The following FMO2 variants were observed in gnomAD, a reference collection of about 807,000 sequenced individuals.
The protein encoded by FMO2 is flavin containing dimethylaniline monoxygenase 2.
A neutral mutation model predicts 41.6 loss-of-function variants in FMO2; 33 were observed. That is an observed-to-expected ratio of 0.79 (90% CI 0.60 to 1.06). The LOEUF (loss-of-function observed/expected upper bound fraction) is 1.06. FMO2 is among the 50% of genes least tolerant of loss of function. The pLI is 0.00. For missense variants in FMO2, 619 were observed against 632.9 expected (o/e 0.98, Z 0.23); for synonymous variants, 214 against 219.6 (o/e 0.97, Z 0.23).
chr1:171,192,379 A>G (rs1048387926), intron 2 of FMO2, among the ~76,000 whole-genome samples: 1 of 152,170 alleles, frequency 6.6e-6, no homozygotes, highest in African/African-American at 2.4e-5. Context: ...CATTCTAACT[A>G]CCTAGAAAGC....
chr1:171,207,756 G>A lies in FMO2; in HGVS notation c.1222G>A (p.Asp408Asn). ...SLPSERTMMM[D>N]IIKRNEKRID... The stretch of plus-strand genomic sequence containing the variant: ...GCCCTCAGAGAGAACTATGATGATG[G>A]ACATTATCAAAAGGAATGAAAAAAG... The change falls in exon 8 of 9, where the codon GAC (aspartate) becomes AAC (asparagine). Residue 408 changes from aspartate to asparagine, a missense_variant. Asp to Asn is a conservative substitution (Grantham distance 23). Coordinates refer to ENST00000209929, the MANE Select transcript of FMO2 (RefSeq NM_001460.5). 6.2e-7 allele frequency: 1 copy of A among 1,610,204 alleles called. No homozygotes were observed. The highest frequency in any genetic ancestry group is 8.5e-7 in the Non-Finnish European group (1 of 1,177,188).
chr1:171,203,323 T>A (rs28369892), intron 5 of FMO2, among the ~76,000 whole-genome samples: 3,049 of 144,024 alleles, frequency 0.021, 105 homozygotes, highest in African/African-American at 0.072. Context: ...AGACCCTGTC[T>A]CACACACACA....
Position 171,209,187 on chromosome 1 carries a change from C to G in FMO2, c.*42C>G. 1 of 417,044 alleles carries G rather than the reference C, an allele frequency of 2.4e-6. No individual in the cohort carries two copies. The allele number at this position is 417,044 out of a possible 1,614,324, so 25.8% of individuals were successfully genotyped here. A position where few individuals can be genotyped will look rare whatever the true frequency, so the allele number is the denominator to read the frequency against. On this transcript the variant is annotated 3_prime_UTR_variant, in exon 9 of 9. Transcript: ENST00000209929. The stretch of plus-strand genomic sequence containing the variant: ...GGCTTTATTATCTTGTCAGTCACTA[C>G]CTCCTAAAGAAAAAAAAAAAGGCTA...
intron 4 of FMO2, 86 bp from the exon 5 acceptor site, chr1:171,199,260 G>C (rs1658429896): frequency 7.7e-7 from 1 of 1,303,836 alleles, no homozygotes; most frequent in African/African-American, 1.5e-5. Context: ...ACTCCAGAAA[G>C]GAAAAGCTGG....
rs544659974 is a variant in FMO2 at position 171,210,172 on chromosome 1, T to A, written c.*1027T>A. 1 of 151,642 alleles carries A rather than the reference T, an allele frequency of 6.6e-6. No homozygotes were observed. Among genetic ancestry groups the A allele is most frequent in the South Asian group, 2.1e-4 (1 of 4,816 alleles). 9.4% of individuals were successfully genotyped at this position (151,642 alleles called of 1,614,324 possible). A position where few individuals can be genotyped will look rare whatever the true frequency, so the allele number is the denominator to read the frequency against. ...CCAAATATGACCAAATTACTTTTAT[T>A]TATAATTTTTGATTTATATTTCAGC... is the stretch of plus-strand genomic sequence containing the variant. On this transcript the variant is annotated 3_prime_UTR_variant, in exon 9 of 9. Coordinates refer to ENST00000209929, the MANE Select transcript of FMO2 (RefSeq NM_001460.5).
chr1:171,203,825 C>T lies in FMO2; in HGVS notation c.628-40C>T, dbSNP rs533932945. 181 of 1,557,654 alleles carry T rather than the reference C, an allele frequency of 1.2e-4. No individual in the cohort carries two copies. The South Asian group carries it at 2.0e-3, about 17-fold the overall frequency. On this transcript the variant is annotated intron_variant, in intron 5 of 8. Transcript: ENST00000209929. ...CATAGTAGATTCCTCCTAAACGGGA[C>T]AATGCCCTAATTTAAACTGCATTTC...
Position 171,185,800 on chromosome 1 carries a change from T to C in FMO2, c.87T>C (p.Thr29=). ...GTGTGGATGAGGGACTTGAGCCCAC[T>C]TGCTTTGAGAGAACTGAAGATATTG... ...KCCVDEGLEP[T]CFERTEDIGG... The change falls in exon 2 of 9, where the codon ACT becomes ACC. Residue 29 remains threonine, a synonymous_variant. Transcript: ENST00000209929. 1 of 1,613,876 alleles carries C rather than the reference T, an allele frequency of 6.2e-7. No individual in the cohort carries two copies. Among genetic ancestry groups the C allele is most frequent in the Non-Finnish European group, 8.5e-7 (1 of 1,179,828 alleles).
chr1:171,187,058 A>AG (rs993411370), intron 2 of FMO2, among the ~76,000 whole-genome samples: 4 of 152,258 alleles, frequency 2.6e-5, no homozygotes, highest in African/African-American at 9.6e-5. Context: ...ACTGAAAGTG[A>AG]GGGAGGTTAA....
At chr1:171,199,960 G>A (rs1210303912) in intron 5 of FMO2, among the ~76,000 whole-genome samples, 1 of 151,826 alleles carries the variant, frequency 6.6e-6, no homozygotes, top group Admixed American at 6.6e-5. Flanking sequence ...CAAGCAATCT[G>A]CCCGCCTCAG....
At position 171,193,424 on chromosome 1, in the gene FMO2, GC is replaced by G; in HGVS notation, c.224del (p.Pro75LeufsTer27). ...EMSCFSDFPM[P>X]EDFPNFLHNS... The stretch of plus-strand genomic sequence containing the variant: ...TGTCCTGTTTCAGTGACTTTCCAAT[GC>G]CTGAAGATTTTCCAAACTTCCTGCA... On this transcript the variant is annotated frameshift_variant, in exon 3 of 9. Transcript: ENST00000209929. LOFTEE classifies it high-confidence loss of function. 6.2e-7 allele frequency: 1 copy of G among 1,612,010 alleles called. No individual in the cohort carries two copies. The highest frequency in any genetic ancestry group is 8.5e-7 in the Non-Finnish European group (1 of 1,178,238).
intron 2 of FMO2, among the ~76,000 whole-genome samples, chr1:171,187,019 T>A (rs182570091): frequency 1.6e-4 from 24 of 152,322 alleles, no homozygotes; most frequent in South Asian, 6.2e-4. Flanking sequence ...TAGCTACTAA[T>A]AATAACTATA....
intron 7 of FMO2, among the ~76,000 whole-genome samples, chr1:171,207,253 C>T (rs769072973): frequency 2.0e-5 from 3 of 152,184 alleles, no homozygotes; most frequent in African/African-American, 4.8e-5. Flanking sequence ...TCATCTCTCA[C>T]CAGGTTTATT....
intron 4 of FMO2, among the ~76,000 whole-genome samples, chr1:171,198,307 T>G (rs192269412): frequency 6.6e-6 from 1 of 151,892 alleles, no homozygotes; most frequent in East Asian, 1.9e-4. Context: ...TTTTGTTTAC[T>G]TTTTGAAAAT....
At position 171,208,908 on chromosome 1, in the gene FMO2, T is replaced by C; in HGVS notation, c.1371T>C (p.Pro457=). Reference sequence around the variant, plus strand: ...TCTGCTCTCTCTTGTTCAAAGATCCTAAACTGGCTGTGAGACTCTATTTCG... The same window carrying C: ...TCTGCTCTCTCTTGTTCAAAGATCCCAAACTGGCTGTGAGACTCTATTTCG... ...PDFCSLLFKD[P]KLAVRLYFGP... Residue 457 remains proline, a synonymous_variant, in exon 9 of 9, where the codon CCT becomes CCC. Transcript: ENST00000209929. The C allele has an allele frequency of 1.9e-6, 3 of 1,614,030 alleles. No individual in the cohort carries two copies. The highest frequency in any genetic ancestry group is 2.5e-6 in the Non-Finnish European group (3 of 1,179,912).
chr1:171,205,890 C>T (rs1184514688), intron 7 of FMO2, among the ~76,000 whole-genome samples: 5 of 152,116 alleles, frequency 3.3e-5, no homozygotes, highest in Non-Finnish European at 7.4e-5. Flanking sequence ...TGGCATAAAG[C>T]TAAGTGCATG....
rs1264443461 is a variant in FMO2, at chr1:171,208,789, C to T, written c.1257-5C>T. The T allele has an allele frequency of 3.7e-6, 6 of 1,612,826 alleles. No homozygotes were observed. Among genetic ancestry groups the T allele is most frequent in the Non-Finnish European group, 5.1e-6 (6 of 1,179,394 alleles). ...GAACATTCCCTTTTTACTTTCTTCA[C>T]TAAGGTTTGGAGAAAGCCAGAGCCA... On this transcript the variant is annotated splice_polypyrimidine_tract_variant and splice_region_variant and intron_variant, in intron 8 of 8. Coordinates refer to ENST00000209929, the MANE Select transcript of FMO2 (RefSeq NM_001460.5).
At position 171,205,516 on chromosome 1, in the gene FMO2, C is replaced by T; in HGVS notation, c.1065C>T (p.Tyr355=). ...VENNMVSLYK[Y]IFPAHLDKST... ...ATAATATGGTCTCACTGTATAAATA[C>T]ATATTCCCCGCTCACCTGGACAAGT... is the stretch of plus-strand genomic sequence containing the variant. Residue 355 remains tyrosine, a synonymous_variant, in exon 7 of 9, where the codon TAC becomes TAT. Coordinates refer to ENST00000209929, the MANE Select transcript of FMO2 (RefSeq NM_001460.5). 1 of 1,613,818 alleles carries T rather than the reference C, an allele frequency of 6.2e-7. No homozygotes were observed. The highest frequency in any genetic ancestry group is 8.5e-7 in the Non-Finnish European group (1 of 1,179,828).
chr1:171,201,832 A>T (rs12758408), intron 5 of FMO2, among the ~76,000 whole-genome samples: 2 of 33,586 alleles, frequency 6.0e-5, no homozygotes, highest in East Asian at 4.4e-3. Context: ...ATGAGAGCGA[A>T]GGGGGAACCC....
At chr1:171,188,129 G>GCTCCACAA (rs1657933116) in intron 2 of FMO2, among the ~76,000 whole-genome samples, 1 of 149,744 alleles carries the variant, frequency 6.7e-6, no homozygotes, top group Non-Finnish European at 1.5e-5. Flanking sequence ...CAGGAGATTG[G>GCTCCACAA]CTCCACAACC....
Sources: allele counts gnomAD v4.1 joint callset (sites outside exome capture counted in the v4.1 genomes callset), GRCh38; gene constraint gnomAD v4.1.1; transcripts MANE v1.5; gene names NCBI Gene and HGNC (gene_info 2026-07-23, HGNC 2026-07-21).